LIMD1: variants seen among roughly 807,000 people sequenced by gnomAD.
LIMD1 encodes LIM domain-containing protein 1.
LIMD1 carries 23 observed loss-of-function variants against 58.4 expected under a neutral mutation model. The ratio of observed to expected loss-of-function variants is 0.39; its 90% CI spans 0.28 to 0.56. LIMD1 has a LOEUF of 0.56. Ranked by LOEUF, LIMD1 falls within the 20% of genes least tolerant of loss-of-function variation. LIMD1 has a pLI of 0.57. For synonymous variants in LIMD1, 334 were observed against 345.5 expected, an observed-to-expected ratio of 0.97 and a Z score of 0.37; for missense variants, 838 against 855.5, an observed-to-expected ratio of 0.98 and a Z score of 0.25.
chr3:45,610,811 G>A (rs1701516079), intron 1 of LIMD1, among the ~76,000 whole-genome samples: 1 of 152,180 alleles, frequency 6.6e-6, no homozygotes. Flanking sequence ...TTCAAAAGGT[G>A]GCTTTTCTGA....
chr3:45,596,144 C>G lies in LIMD1; in HGVS notation c.1265C>G (p.Pro422Arg). Reference protein sequence around the residue: ...GSLGSVLLDSPSSPRVRLPCQ... With the variant: ...GSLGSVLLDSRSSPRVRLPCQ... ...CTGGGATCTGTGCTCCTGGACAGCC[C>G]CAGCTCCCCTAGGGTAAGGCTGCCC... is the stretch of plus-strand genomic sequence containing the variant. The change falls in exon 1 of 8, where the codon CCC (proline) becomes CGC (arginine). Residue 422 changes from proline to arginine, a missense_variant. Pro to Arg is a moderately radical substitution (Grantham distance 103). This residue lies in a region of LIMD1 where 659 missense variants were observed against 639.8 expected (regional missense o/e 1.03). Transcript: ENST00000273317. The G allele has an allele frequency of 1.2e-6, 2 of 1,614,154 alleles. No individual in the cohort carries two copies. The highest frequency in any genetic ancestry group is 8.5e-7 in the Non-Finnish European group (1 of 1,180,028).
chr3:45,616,262 A>G (rs1575346979), intron 1 of LIMD1, among the ~76,000 whole-genome samples: 1 of 152,118 alleles, frequency 6.6e-6, no homozygotes, highest in Non-Finnish European at 1.5e-5. Context: ...CCCAACAGGG[A>G]TCTCTTGCCA....
intron 1 of LIMD1, among the ~76,000 whole-genome samples, chr3:45,597,656 C>T (rs1389214999): frequency 2.6e-5 from 4 of 152,126 alleles, no homozygotes; most frequent in Non-Finnish European, 4.4e-5. Context: ...ATAATTGACC[C>T]CCGTGTTCCC....
chr3:45,615,089 TACACA>T (rs930835413), intron 1 of LIMD1, among the ~76,000 whole-genome samples: 7 of 152,142 alleles, frequency 4.6e-5, no homozygotes, highest in Non-Finnish European at 8.8e-5. Flanking sequence ...TAGAAGAGCA[TACACA>T]TTTAATAAAA....
intron 2 of LIMD1, among the ~76,000 whole-genome samples, chr3:45,640,611 G>T (rs146094853): frequency 6.6e-6 from 1 of 152,044 alleles, no homozygotes; most frequent in African/African-American, 2.4e-5. Flanking sequence ...TGTATTTTTC[G>T]TAGAGACAGG....
At chr3:45,638,356 G>A (rs1020533739) in intron 2 of LIMD1, among the ~76,000 whole-genome samples, 1 of 152,184 alleles carries the variant, frequency 6.6e-6, no homozygotes, top group Non-Finnish European at 1.5e-5. Context: ...GGTATATTGT[G>A]TGAATCTGAA....
chr3:45,598,201 G>A (rs1324577915), intron 1 of LIMD1, among the ~76,000 whole-genome samples: 1 of 152,118 alleles, frequency 6.6e-6, no homozygotes, highest in East Asian at 1.9e-4. Context: ...TGATCTTCCT[G>A]CCTCAGCCTC....
chr3:45,667,724 T>A (rs1697537876), intron 3 of LIMD1, among the ~76,000 whole-genome samples: 3 of 152,056 alleles, frequency 2.0e-5, no homozygotes, highest in Admixed American at 2.0e-4. Flanking sequence ...TTTCTGTCCT[T>A]ACCCTTTGTT....
intron 1 of LIMD1, among the ~76,000 whole-genome samples, chr3:45,631,470 T>C (rs1419975995): frequency 6.6e-6 from 1 of 152,166 alleles, no homozygotes; most frequent in African/African-American, 2.4e-5. Flanking sequence ...CTTGGCTTCT[T>C]ATGGGGTCTT....
At chr3:45,636,328 C>G in intron 2 of LIMD1, 77 bp downstream of exon 2, 20 of 903,600 alleles carry the variant, frequency 2.2e-5, no homozygotes, top group Non-Finnish European at 3.0e-5. Flanking sequence ...GGAGAGAGAT[C>G]ATCTTTCTGG....
intron 2 of LIMD1, among the ~76,000 whole-genome samples, chr3:45,640,323 G>T (rs1212090279): frequency 6.6e-6 from 1 of 152,188 alleles, no homozygotes; most frequent in East Asian, 1.9e-4. Context: ...TTATGACTCA[G>T]CTCAAATGCC....
intron 1 of LIMD1, among the ~76,000 whole-genome samples, chr3:45,618,632 C>T (rs1701599682): frequency 6.6e-6 from 1 of 152,220 alleles, no homozygotes; most frequent in Admixed American, 6.5e-5. Context: ...TTTTATGGGG[C>T]ACCTCTGTGC....
In LIMD1 at chr3:45,626,938, A is replaced by G. The variant is rs1575350553; in HGVS notation, c.1409-9212A>G. Among the ~76,000 whole-genome samples, 4 of 152,142 alleles carry G rather than the reference A, an allele frequency of 2.6e-5. No homozygotes were observed. In the East Asian group the frequency reaches 7.7e-4, roughly 29 times the overall value. On this transcript the variant is annotated intron_variant, in intron 1 of 7. Transcript: ENST00000273317. ...TTCATTGAAAAAATACTGGAAGGAA[A>G]TAGGCCAAAATGATAAATATCATTT...
At chr3:45,645,540 G>T (rs921316134) in intron 2 of LIMD1, among the ~76,000 whole-genome samples, 5 of 152,112 alleles carry the variant, frequency 3.3e-5, no homozygotes, top group African/African-American at 1.2e-4. Context: ...CGGTGCCCAG[G>T]GTGTCACCTG....
chr3:45,607,847 C>G (rs560886465), intron 1 of LIMD1, among the ~76,000 whole-genome samples: 1 of 152,298 alleles, frequency 6.6e-6, no homozygotes, highest in Non-Finnish European at 1.5e-5. Context: ...TCCCCTGCAC[C>G]TCCCTGTCAG....
At chr3:45,662,276 A>AGTGT (rs139596165) in intron 2 of LIMD1, among the ~76,000 whole-genome samples, 34,792 of 111,374 alleles carry the variant, frequency 0.31, 4,589 homozygotes, top group South Asian at 0.58. Flanking sequence ...GTTTCACCTA[A>AGTGT]GTGTGTGTGT....
At chr3:45,639,803 C>T (rs964449185) in intron 2 of LIMD1, among the ~76,000 whole-genome samples, 12 of 152,218 alleles carry the variant, frequency 7.9e-5, no homozygotes, top group African/African-American at 2.7e-4. Context: ...GCTGGGATTA[C>T]AGCCATGCGC....
At position 45,681,731 on chromosome 3, in the gene LIMD1, TAA is replaced by T; in HGVS notation, c.*4673_*4674del. 1 of 152,344 alleles carries T rather than the reference TAA, an allele frequency of 6.6e-6. No homozygotes were observed. Among genetic ancestry groups the T allele is most frequent in the Admixed American group, 6.5e-5 (1 of 15,308 alleles). The allele number at this position is 152,344 out of a possible 1,614,324, so 9.4% of individuals were successfully genotyped here. On this transcript the variant is annotated 3_prime_UTR_variant, in exon 8 of 8. Coordinates refer to ENST00000273317, the MANE Select transcript of LIMD1 (RefSeq NM_014240.3). ...CACTAGATAAACATCCTTGAAAATA[TAA>T]GTCTGGAACCTGGCAATTGGTGTCT...
chr3:45,594,851 T>TGG lies in LIMD1; in HGVS notation c.-27_-26dup. On this transcript the variant is annotated 5_prime_UTR_variant, in exon 1 of 8. Transcript: ENST00000273317. ...CACACACACACACACACACGGCACC[T>TGG]GGGCTAGGCCCGGACACCTGTCTGC... is the stretch of plus-strand genomic sequence containing the variant. 7.2e-7 allele frequency: 1 copy of TGG among 1,385,102 alleles called. No homozygotes were observed. The allele number at this position is 1,385,102 out of a possible 1,614,324, so 85.8% of individuals were successfully genotyped here.
Sources: allele counts gnomAD v4.1 joint callset (sites outside exome capture counted in the v4.1 genomes callset), GRCh38; gene constraint gnomAD v4.1.1; regional missense constraint gnomAD v4.1.1; transcripts MANE v1.5; gene names NCBI Gene and HGNC (gene_info 2026-07-23, HGNC 2026-07-21).